The following GPR176 variants were observed in gnomAD, a reference collection of about 807,000 sequenced individuals.
GPR176 encodes the protein G protein-coupled receptor 176.
Under a neutral mutation model 35.4 loss-of-function variants are expected in GPR176, and 26 were observed. That is an observed-to-expected ratio of 0.74 (90% confidence interval 0.54 to 1.02). GPR176 has a LOEUF of 1.02. Ranked by LOEUF, GPR176 falls within the 50% of genes least tolerant of loss-of-function variation. GPR176 has a pLI of 0.00. For missense variants in GPR176, 597 were observed against 665.3 expected (o/e 0.90, Z 1.13); for synonymous variants, 278 against 271.3 (o/e 1.02, Z -0.24).
At chr15:39,884,421 A>G (rs72729442) in intron 1 of GPR176, among the ~76,000 whole-genome samples, 2,034 of 152,324 alleles carry the variant, frequency 0.013, 16 homozygotes, top group Non-Finnish European at 0.021. Context: ...AGGACCACCT[A>G]ACTAGCAGTT....
At chr15:39,820,262 G>T (rs532693948) in intron 1 of GPR176, among the ~76,000 whole-genome samples, 2 of 151,672 alleles carry the variant, frequency 1.3e-5, no homozygotes, top group South Asian at 4.2e-4. Flanking sequence ...GCAGGAGATA[G>T]CTGGCCAAGA....
chr15:39,902,032 C>T (rs1285394382), intron 1 of GPR176, among the ~76,000 whole-genome samples: 3 of 151,966 alleles, frequency 2.0e-5, no homozygotes, highest in Non-Finnish European at 2.9e-5. Flanking sequence ...TGCAGTGAGC[C>T]GAGATTGTGC....
At chr15:39,803,377 T>G (rs1006676985) in intron 2 of GPR176, among the ~76,000 whole-genome samples, 1 of 146,916 alleles carries the variant, frequency 6.8e-6, no homozygotes, top group African/African-American at 2.5e-5. Flanking sequence ...CCTTCTGGGT[T>G]CAAGCCATTC....
intron 1 of GPR176, among the ~76,000 whole-genome samples, chr15:39,812,289 C>T (rs983629986): frequency 6.6e-6 from 1 of 152,180 alleles, no homozygotes; most frequent in African/African-American, 2.4e-5. Flanking sequence ...GGCAGACCCA[C>T]CTTCAATCTA....
At chr15:39,808,859 C>T (rs751991085) in intron 1 of GPR176, among the ~76,000 whole-genome samples, 5 of 152,150 alleles carry the variant, frequency 3.3e-5, no homozygotes, top group South Asian at 4.2e-4. Flanking sequence ...TCTCACCATA[C>T]GTCGGAATGA....
intron 1 of GPR176, among the ~76,000 whole-genome samples, chr15:39,823,458 A>G (rs556943867): frequency 2.0e-5 from 3 of 152,258 alleles, no homozygotes; most frequent in East Asian, 3.9e-4. Context: ...CCCACATCCA[A>G]TGCAATATTT....
At chr15:39,823,559 T>G (rs1365769248) in intron 1 of GPR176, among the ~76,000 whole-genome samples, 5 of 152,066 alleles carry the variant, frequency 3.3e-5, no homozygotes, top group African/African-American at 1.2e-4. Flanking sequence ...CACCCTCACC[T>G]CCACTGCTGC....
chr15:39,866,632 A>G (rs944632302), intron 1 of GPR176, among the ~76,000 whole-genome samples: 3 of 152,218 alleles, frequency 2.0e-5, no homozygotes, highest in African/African-American at 7.2e-5. Flanking sequence ...AAGATACTCT[A>G]AGAGAAAAAT....
intron 1 of GPR176, chr15:39,861,026 C>T (rs768264700): frequency 7.2e-5 from 11 of 151,976 alleles, no homozygotes; most frequent in Non-Finnish European, 1.6e-4. Flanking sequence ...ACTATAAATC[C>T]CTGAAATATC....
intron 1 of GPR176, among the ~76,000 whole-genome samples, chr15:39,857,431 C>T (rs2031294603): frequency 6.6e-6 from 1 of 152,176 alleles, no homozygotes; most frequent in Admixed American, 6.5e-5. Flanking sequence ...AATCCCAGCA[C>T]TTTGGGAGGT....
At chr15:39,895,028 A>G (rs1472577472) in intron 1 of GPR176, among the ~76,000 whole-genome samples, 1 of 152,218 alleles carries the variant, frequency 6.6e-6, no homozygotes, top group African/African-American at 2.4e-5. Flanking sequence ...TAGGGGTTGG[A>G]GACCGGCCTG....
At chr15:39,825,335 T>C (rs530046991) in intron 1 of GPR176, among the ~76,000 whole-genome samples, 2 of 152,230 alleles carry the variant, frequency 1.3e-5, no homozygotes, top group African/African-American at 2.4e-5. Context: ...TATACACTTA[T>C]ATACTTAATT....
At chr15:39,833,731 G>A (rs1435285095) in intron 1 of GPR176, among the ~76,000 whole-genome samples, 1 of 152,132 alleles carries the variant, frequency 6.6e-6, no homozygotes, top group Non-Finnish European at 1.5e-5. Flanking sequence ...GCACAAAACT[G>A]AGGAAAGTCC....
intron 2 of GPR176, 104 bp from the exon 3 acceptor site, chr15:39,802,358 C>G: frequency 1.1e-6 from 1 of 925,046 alleles, no homozygotes; most frequent in African/African-American, 1.7e-5. Flanking sequence ...TCAAGTTCTT[C>G]TATTCGGCCT....
chr15:39,870,014 T>C (rs147797902), intron 1 of GPR176, among the ~76,000 whole-genome samples: 149 of 152,360 alleles, frequency 9.8e-4, no homozygotes, highest in African/African-American at 3.2e-3. Flanking sequence ...ATCAGTTTCA[T>C]TGAGCTAAAG....
intron 1 of GPR176, among the ~76,000 whole-genome samples, chr15:39,863,183 A>T (rs1034739476): frequency 1.3e-5 from 2 of 150,462 alleles, no homozygotes; most frequent in Non-Finnish European, 1.5e-5. Context: ...GGTTCATGCC[A>T]TTCTCCTGCC....
chr15:39,893,552 C>G (rs942702839), intron 1 of GPR176, among the ~76,000 whole-genome samples: 1 of 152,274 alleles, frequency 6.6e-6, no homozygotes, highest in African/African-American at 2.4e-5. Flanking sequence ...TTTTCCCCAA[C>G]TTTCCCGCCT....
chr15:39,918,578 C>A (rs2033788378), intron 1 of GPR176, among the ~76,000 whole-genome samples: 1 of 152,130 alleles, frequency 6.6e-6, no homozygotes, highest in Admixed American at 6.5e-5. Flanking sequence ...ACCTACAATG[C>A]ATCATGAATA....
At chr15:39,804,246 G>A (rs1899057413) in intron 2 of GPR176, among the ~76,000 whole-genome samples, 1 of 152,226 alleles carries the variant, frequency 6.6e-6, no homozygotes, top group Admixed American at 6.5e-5. Flanking sequence ...TGCAAGAAGT[G>A]TAGATGACCT....
Sources: allele counts gnomAD v4.1 joint callset (sites outside exome capture counted in the v4.1 genomes callset), GRCh38; gene constraint gnomAD v4.1.1; transcripts MANE v1.5; gene names NCBI Gene and HGNC (gene_info 2026-07-23, HGNC 2026-07-21).